Variants in POLA2 observed in about 807,000 individuals in gnomAD.
The protein encoded by POLA2 is DNA polymerase alpha 2, accessory subunit, also known as DNA polymerase alpha subunit B.
A neutral mutation model predicts 82.8 loss-of-function variants in POLA2; 47 were observed. The ratio of observed to expected loss-of-function variants is 0.57; its 90% CI spans 0.45 to 0.72. The LOEUF is 0.72. Among genes scored for constraint, POLA2 ranks in the 30% least tolerant of loss-of-function variants. The pLI, the probability that POLA2 is intolerant of heterozygous loss-of-function variation, is 0.00. For missense variants in POLA2, 634 were observed against 728.1 expected (o/e 0.87, Z 1.49); for synonymous variants, 287 against 286.8 (o/e 1.00, Z -0.01).
In POLA2 at chr11:65,263,220, CTTTTT is replaced by C. The variant is rs547474910; in HGVS notation, c.79+866_79+870del. Among the ~76,000 whole-genome samples, 397 of 123,200 alleles carry C rather than the reference CTTTTT, an allele frequency of 3.2e-3. 1 individual carries two copies. The highest frequency in any genetic ancestry group is 0.012 in the African/African-American group (379 of 30,980). 80.8% of individuals were successfully genotyped at this position (123,200 alleles called of 152,430 possible). A position where few individuals can be genotyped will look rare whatever the true frequency, so the allele number is the denominator to read the frequency against. On this transcript the variant is annotated intron_variant, in intron 1 of 17. Transcript: ENST00000265465. ...CATGCCCAGTGCCTTCTCTCTCTCT[CTTTTT>C]TTTTTTTTTTTTTTTTGACAGTCTT... is the stretch of plus-strand genomic sequence containing the variant.
intron 13 of POLA2, among the ~76,000 whole-genome samples, chr11:65,290,726 A>G (rs1590908060): frequency 6.6e-6 from 1 of 151,704 alleles, no homozygotes; most frequent in Non-Finnish European, 1.5e-5. Context: ...TCCTTTTCTC[A>G]CTCCCTTTTG....
chr11:65,298,175 G>A lies in POLA2; in HGVS notation c.*906G>A, dbSNP rs1032315433. The A allele has an allele frequency of 1.3e-5, 2 of 152,430 alleles. No homozygotes were observed. Among genetic ancestry groups the A allele is most frequent in the Non-Finnish European group, 2.9e-5 (2 of 68,210 alleles). The allele number at this position is 152,430 out of a possible 1,614,324, so 9.4% of individuals were successfully genotyped here. ...GAGCTGGGCTGCAGAGCAAGCAACT[G>A]GCTGCATGCCTGGGCCTCCCTGCGC... On this transcript the variant is annotated 3_prime_UTR_variant, in exon 18 of 18. Coordinates refer to ENST00000265465, the MANE Select transcript of POLA2 (RefSeq NM_002689.4).
Position 65,282,461 on chromosome 11 carries a change from C to G in POLA2, c.964-18C>G, listed in dbSNP as rs1565481748. 6.2e-7 allele frequency: 1 copy of G among 1,612,762 alleles called. No individual in the cohort carries two copies. Reference sequence around the variant, plus strand: ...TGCCTGGCGCAAGACCTTACTTGAGCTTTTCCCCTGTTTTTAGGGTGTGCC... The same window carrying G: ...TGCCTGGCGCAAGACCTTACTTGAGGTTTTCCCCTGTTTTTAGGGTGTGCC... On this transcript the variant is annotated intron_variant, in intron 9 of 17. Coordinates refer to ENST00000265465, the MANE Select transcript of POLA2 (RefSeq NM_002689.4).
At chr11:65,279,918 A>G in intron 7 of POLA2, 1 of 335,436 alleles carries the variant, frequency 3.0e-6, no homozygotes. Flanking sequence ...GGGATTTCCC[A>G]CAAATAGAAG....
intron 4 of POLA2, among the ~76,000 whole-genome samples, chr11:65,271,696 T>C (rs889531076): frequency 6.6e-6 from 1 of 151,718 alleles, no homozygotes; most frequent in African/African-American, 2.4e-5. Context: ...AAAAATTAGC[T>C]GGGCATGGTG....
chr11:65,292,279 G>A (rs867148317), intron 13 of POLA2, among the ~76,000 whole-genome samples: 1 of 152,216 alleles, frequency 6.6e-6, no homozygotes, highest in Non-Finnish European at 1.5e-5. Context: ...CAGAGAAAGC[G>A]AGCAGAGCCC....
intron 13 of POLA2, among the ~76,000 whole-genome samples, chr11:65,291,625 G>A (rs1046699472): frequency 4.6e-5 from 7 of 152,210 alleles, no homozygotes; most frequent in African/African-American, 1.4e-4. Context: ...GTCAGCCCTT[G>A]GGGATAGGCA....
chr11:65,276,520 T>C (rs144201397), intron 5 of POLA2, among the ~76,000 whole-genome samples: 157 of 152,332 alleles, frequency 1.0e-3, no homozygotes, highest in African/African-American at 3.6e-3. Context: ...CCTGACTTAA[T>C]TGGTATTTTG....
At chr11:65,268,476 C>G (rs1435822337) in intron 3 of POLA2, among the ~76,000 whole-genome samples, 196 bp from the exon 4 acceptor site, 1 of 151,358 alleles carries the variant, frequency 6.6e-6, no homozygotes, top group Non-Finnish European at 1.5e-5. Flanking sequence ...CTCAGCCTCC[C>G]GAGTAGCTGG....
chr11:65,266,604 T>C lies in POLA2; in HGVS notation c.102T>C (p.Tyr34=), dbSNP rs377277692. Residue 34 remains tyrosine, a synonymous_variant, in exon 2 of 18, where the codon TAT becomes TAC. Coordinates refer to ENST00000265465, the MANE Select transcript of POLA2 (RefSeq NM_002689.4). The part of the protein sequence containing the change: ...IEKLVELCVQ[Y]GQNEEGMVGE... ...CAGTGGTAGAGCTTTGTGTTCAGTA[T>C]GGACAGAATGAGGAGGGAATGGTAG... is the stretch of plus-strand genomic sequence containing the variant. The C allele has an allele frequency of 3.7e-5, 60 of 1,614,052 alleles. No homozygotes were observed. The highest frequency in any genetic ancestry group is 1.6e-4 in the Middle Eastern group (1 of 6,084).
chr11:65,275,366 CAAAAAA>C (rs760641138), intron 4 of POLA2, among the ~76,000 whole-genome samples: 1 of 85,802 alleles, frequency 1.2e-5, no homozygotes, highest in Non-Finnish European at 2.6e-5. Context: ...GTTGATGAGT[CAAAAAA>C]AAAAAAAAAA....
chr11:65,289,115 C>T (rs1257108081), intron 12 of POLA2, 27 bp downstream of exon 12: 3 of 1,593,864 alleles, frequency 1.9e-6, no homozygotes, highest in Non-Finnish European at 2.6e-6. Flanking sequence ...GGGAAGGGGT[C>T]CTGGGTACTT....
rs1565468189 is a variant in POLA2 at position 65,268,681 on chromosome 11, G to A, written c.306G>A (p.Val102=). 6.3e-7 allele frequency: 1 copy of A among 1,597,694 alleles called. No individual in the cohort carries two copies. The highest frequency in any genetic ancestry group is 8.5e-7 in the Non-Finnish European group (1 of 1,170,690). Residue 102 remains valine, a synonymous_variant, in exon 4 of 18, where the codon GTG becomes GTA. Coordinates refer to ENST00000265465, the MANE Select transcript of POLA2 (RefSeq NM_002689.4). The stretch of plus-strand genomic sequence containing the variant: ...TAACCAGTGTTCTTAGAATTGAAGT[G>A]GAAGAAGAAGAGGAAATCCTCTTGA... ...DIVSIQELIE[V]EEEEEILLNS...
intron 13 of POLA2, among the ~76,000 whole-genome samples, chr11:65,291,164 TCTC>T (rs980070606): frequency 1.3e-5 from 2 of 152,016 alleles, no homozygotes; most frequent in Admixed American, 6.6e-5. Flanking sequence ...AGGTGGTAGA[TCTC>T]CTCACAAGAT....
chr11:65,280,605 T>TA lies in POLA2; in HGVS notation c.745-387_745-386insA, dbSNP rs142907562. The TA allele has an allele frequency of 2.8e-3, 575 of 206,652 alleles. 2 individuals are homozygous for TA. Among genetic ancestry groups the TA allele is most frequent in the Non-Finnish European group, 4.5e-3 (451 of 101,106 alleles). 12.8% of individuals were successfully genotyped at this position (206,652 alleles called of 1,614,324 possible). A position where few individuals can be genotyped will look rare whatever the true frequency, so the allele number is the denominator to read the frequency against. On this transcript the variant is annotated intron_variant, in intron 7 of 17. Transcript: ENST00000265465. ...TGCCTAAGAATACATTTTAGAACAG[T>TA]GCATGGTATTTAGTAAGCTCAAGAA...
intron 13 of POLA2, among the ~76,000 whole-genome samples, chr11:65,291,295 C>G (rs1001069947): frequency 3.9e-5 from 6 of 152,202 alleles, no homozygotes; most frequent in Non-Finnish European, 7.3e-5. Context: ...GCCTTTTAGC[C>G]ATGAGAACTG....
downstream of POLA2, among the ~76,000 whole-genome samples, chr11:65,301,945 C>T (rs968919443): frequency 1.3e-5 from 2 of 152,210 alleles, no homozygotes; most frequent in Admixed American, 1.3e-4. Context: ...TGCCCTCAGA[C>T]CCAGCTGGAC....
intron 10 of POLA2, among the ~76,000 whole-genome samples, chr11:65,283,552 C>T (rs1170101440): frequency 6.6e-6 from 1 of 152,046 alleles, no homozygotes; most frequent in Non-Finnish European, 1.5e-5. Flanking sequence ...TCACTGCAAG[C>T]TCCGCCTCCC....
Position 65,275,963 on chromosome 11 carries a change from C to G in POLA2, c.426C>G (p.Pro142=). The G allele has an allele frequency of 6.2e-7, 1 of 1,606,966 alleles. No homozygotes were observed. The highest frequency in any genetic ancestry group is 8.5e-7 in the Non-Finnish European group (1 of 1,176,616). ...AAAGGAGTGTGTCAACTCGTAGCCC[C>G]CATCAGCTACTCTCACCGTCAAGTT... ...LTKRSVSTRS[P]HQLLSPSSFS... is the part of the protein sequence containing the mutation. Residue 142 remains proline, a synonymous_variant, in exon 5 of 18, where the codon CCC becomes CCG. Coordinates refer to ENST00000265465, the MANE Select transcript of POLA2 (RefSeq NM_002689.4).
Sources: gnomAD v4.1 joint callset for allele counts (sites outside exome capture counted in the v4.1 genomes callset) on GRCh38, gnomAD v4.1.1 for gene constraint, MANE v1.5 for transcripts, NCBI Gene and HGNC (gene_info 2026-07-23, HGNC 2026-07-21) for gene names.